FAM3B: variants seen among roughly 807,000 people sequenced by gnomAD.
FAM3B encodes FAM3 metabolism regulating signaling molecule B.
Under a neutral mutation model 28.4 loss-of-function variants are expected in FAM3B, and 29 were observed. That is an observed-to-expected ratio of 1.02 (90% CI 0.76 to 1.39). The LOEUF is 1.39. Among genes scored for constraint, FAM3B ranks in the 40% most tolerant of loss-of-function variants. The pLI is 0.00. For synonymous variants in FAM3B, 91 were observed against 103.0 expected (o/e 0.88, Z 0.71); for missense variants, 266 against 293.9 (o/e 0.91, Z 0.69).
intron 7 of FAM3B, among the ~76,000 whole-genome samples, chr21:41,354,713 A>C (rs2089150314): frequency 6.6e-6 from 1 of 152,226 alleles, no homozygotes; most frequent in Non-Finnish European, 1.5e-5. Context: ...AAAGAGAATC[A>C]GGAAAAATAA....
chr21:41,342,954 T>G (rs1386591480), intron 3 of FAM3B, among the ~76,000 whole-genome samples: 1 of 152,234 alleles, frequency 6.6e-6, no homozygotes, highest in Non-Finnish European at 1.5e-5. Context: ...GAATTATCTT[T>G]GCTTCTCCCA....
intron 2 of FAM3B, among the ~76,000 whole-genome samples, chr21:41,333,641 T>G (rs2088927079): frequency 3.9e-5 from 6 of 152,202 alleles, no homozygotes; most frequent in Admixed American, 3.9e-4. Context: ...TTACCCAGTC[T>G]CAGATATTTC....
At chr21:41,333,359 A>T (rs916679039) in intron 2 of FAM3B, among the ~76,000 whole-genome samples, 1 of 152,062 alleles carries the variant, frequency 6.6e-6, no homozygotes, top group Admixed American at 6.5e-5. Flanking sequence ...ATGGGAGTGG[A>T]TTTCTTATGA....
In FAM3B at chr21:41,322,928, C is replaced by T. The variant is rs1340669111; in HGVS notation, c.25C>T (p.Leu9Phe). The change falls in exon 2 of 8, where the codon CTC (leucine) becomes TTC (phenylalanine). Residue 9 changes from leucine (L) to phenylalanine (F), a missense_variant. Leu to Phe is a conservative substitution (Grantham distance 22). Coordinates refer to ENST00000357985, the MANE Select transcript of FAM3B (RefSeq NM_058186.4). Reference protein sequence around the residue: MRPLAGGLLKVVFVVFASL... With the variant: MRPLAGGLFKVVFVVFASL... ...GCTTGGTGTCCTCTCTGCAGGCCTG[C>T]TCAAGGTGGTGTTCGTGGTCTTCGC... is the stretch of plus-strand genomic sequence containing the variant. The T allele has an allele frequency of 6.2e-7, 1 of 1,613,940 alleles. No individual in the cohort carries two copies. Among genetic ancestry groups the T allele is most frequent in the Non-Finnish European group, 8.5e-7 (1 of 1,180,052 alleles).
intron 1 of FAM3B, chr21:41,319,645 ATT>A (rs2088783402): frequency 6.6e-6 from 1 of 152,322 alleles, no homozygotes; most frequent in Non-Finnish European, 1.5e-5. Context: ...TTCAGCGCTG[ATT>A]CTTCCCTACT....
intron 2 of FAM3B, among the ~76,000 whole-genome samples, chr21:41,325,801 C>T (rs1479417777): frequency 6.6e-6 from 1 of 152,174 alleles, no homozygotes; most frequent in Non-Finnish European, 1.5e-5. Flanking sequence ...GGAAAGCCAC[C>T]AGGAGAGTCC....
At chr21:41,340,445 C>A (rs1278767631) in intron 3 of FAM3B, among the ~76,000 whole-genome samples, 2 of 152,194 alleles carry the variant, frequency 1.3e-5, no homozygotes, top group Non-Finnish European at 2.9e-5. Context: ...AGCCACCACA[C>A]CCAGCCAAAG....
At chr21:41,316,099 T>G (rs2088746570), upstream of FAM3B, among the ~76,000 whole-genome samples, 1 of 152,206 alleles carries the variant, frequency 6.6e-6, no homozygotes, top group African/African-American at 2.4e-5. Flanking sequence ...GTGTTTGGAA[T>G]GAAGGTGTAC....
chr21:41,312,755 G>GTGTGTGTGT, upstream of FAM3B, among the ~76,000 whole-genome samples: 2 of 151,132 alleles, frequency 1.3e-5, no homozygotes, highest in Non-Finnish European at 1.5e-5. Context: ...GTGTGTGTAT[G>GTGTGTGTGT]ATGTCTGCAT....
chr21:41,352,151 T>C (rs905555913), intron 7 of FAM3B, among the ~76,000 whole-genome samples: 1 of 152,188 alleles, frequency 6.6e-6, no homozygotes, highest in Non-Finnish European at 1.5e-5. Context: ...ATGCTTTGTG[T>C]GCTCAACACT....
intron 1 of FAM3B, among the ~76,000 whole-genome samples, chr21:41,307,025 A>G (rs1354333287): frequency 6.6e-6 from 1 of 152,256 alleles, no homozygotes; most frequent in South Asian, 2.1e-4. Context: ...GCTTCGAACC[A>G]GTCATGGACT....
chr21:41,328,399 T>C (rs1264337458), intron 2 of FAM3B, among the ~76,000 whole-genome samples: 1 of 152,046 alleles, frequency 6.6e-6, no homozygotes, highest in Non-Finnish European at 1.5e-5. Context: ...AAAGACAGAG[T>C]GTCCAAAAAT....
chr21:41,323,015 T>C lies in FAM3B; in HGVS notation c.112T>C (p.Ser38Pro). The change falls in exon 2 of 8, where the codon TCC (serine) becomes CCC (proline). Residue 38 changes from serine to proline, a missense_variant. Physicochemically the swap from Ser to Pro is moderately conservative, Grantham distance 74. Transcript: ENST00000357985. ...LAELIPDAPL[S>P]SAAYSIRSIG... ...AGAGCTCATTCCAGATGCACCCCTG[T>C]CCAGTGCTGCCTATAGCATCCGCAG... 3 of 1,610,092 alleles carry C rather than the reference T, an allele frequency of 1.9e-6. No homozygotes were observed. The South Asian group carries it at 3.3e-5, about 18-fold the overall frequency.
At chr21:41,345,981 AGCTCTCAT>A in intron 5 of FAM3B, 1 of 371,476 alleles carries the variant, frequency 2.7e-6, no homozygotes, top group Non-Finnish European at 4.9e-6. Flanking sequence ...TTCTCTTTTT[AGCTCTCAT>A]GATATAATAA....
intron 1 of FAM3B, among the ~76,000 whole-genome samples, chr21:41,319,281 A>T (rs555301001): frequency 6.6e-6 from 1 of 152,146 alleles, no homozygotes; most frequent in Non-Finnish European, 1.5e-5. Context: ...GTGTACATGT[A>T]CCCACACACA....
At chr21:41,322,776 TG>T in intron 1 of FAM3B, 146 bp from the exon 2 acceptor site, 1 of 1,169,402 alleles carries the variant, frequency 8.6e-7, no homozygotes, top group Non-Finnish European at 1.3e-6. Flanking sequence ...CCTCCCACCC[TG>T]GGAGCCTCCT....
intron 2 of FAM3B, 92 bp from the exon 3 acceptor site, chr21:41,338,286 G>A: frequency 6.7e-7 from 1 of 1,487,154 alleles, no homozygotes; most frequent in Non-Finnish European, 9.2e-7. Context: ...GGAGTTTCTG[G>A]TATGAAGTGC....
At chr21:41,328,780 G>C (rs1358600211) in intron 2 of FAM3B, among the ~76,000 whole-genome samples, 2 of 152,198 alleles carry the variant, frequency 1.3e-5, no homozygotes, top group African/African-American at 4.8e-5. Flanking sequence ...CAGTCAAGGA[G>C]GAAGGTCTGA....
chr21:41,347,466 G>A (rs1025600923), intron 6 of FAM3B, among the ~76,000 whole-genome samples: 3 of 152,110 alleles, frequency 2.0e-5, no homozygotes, highest in Non-Finnish European at 2.9e-5. Flanking sequence ...TATAGAAAGA[G>A]GAAAAGAGGC....
Sources: gnomAD v4.1 joint callset for allele counts (sites outside exome capture counted in the v4.1 genomes callset) on GRCh38, gnomAD v4.1.1 for gene constraint, MANE v1.5 for transcripts, NCBI Gene and HGNC (gene_info 2026-07-23, HGNC 2026-07-21) for gene names.